SNTG2: variants seen among roughly 807,000 people sequenced by gnomAD.
SNTG2 encodes syntrophin gamma 2.
SNTG2 carries 74 observed loss-of-function variants against 70.9 expected under a neutral mutation model. The observed-to-expected ratio is 1.04, with a 90% CI of 0.86 to 1.27. The LOEUF is 1.27. Among genes scored for constraint, SNTG2 ranks in the 50% most tolerant of loss-of-function variants. The probability of loss-of-function intolerance (pLI) is 0.00; values close to 1 mark genes in which losing one functional copy is unlikely to be tolerated. For synonymous variants in SNTG2, 278 were observed against 273.8 expected (o/e 1.02, Z -0.15); for missense variants, 717 against 690.7 (o/e 1.04, Z -0.43).
At chr2:1,045,763 T>C (rs1215397414) in intron 1 of SNTG2, among the ~76,000 whole-genome samples, 1 of 152,162 alleles carries the variant, frequency 6.6e-6, no homozygotes, top group Non-Finnish European at 1.5e-5. Flanking sequence ...TGGTTCAGGT[T>C]TTTTGAATTT....
chr2:1,066,910 G>A lies in SNTG2; in HGVS notation c.73-16608G>A, dbSNP rs1002176338. Among the ~76,000 whole-genome samples the A allele has an allele frequency of 3.9e-5, 6 of 152,042 alleles. 1 individual carries two copies. The highest frequency in any genetic ancestry group is 1.3e-4 in the Admixed American group (2 of 15,260). ...CGTCAACTTCCAATGGCGTCGCTAC[G>A]CTCCTCATCTTCAAAGCTCTCATCT... On this transcript the variant is annotated intron_variant, in intron 1 of 16. Transcript: ENST00000308624.
intron 4 of SNTG2, among the ~76,000 whole-genome samples, chr2:1,120,432 C>T (rs1044626920): frequency 6.6e-6 from 1 of 152,122 alleles, no homozygotes; most frequent in African/African-American, 2.4e-5. Context: ...AAATTGATTA[C>T]ATTCTCCCAT....
At chr2:1,133,548 C>T (rs186100654) in intron 4 of SNTG2, among the ~76,000 whole-genome samples, 11 of 152,224 alleles carry the variant, frequency 7.2e-5, no homozygotes, top group Admixed American at 2.0e-4. Flanking sequence ...GGCTGTATTA[C>T]CGTAGGGATG....
At chr2:1,252,819 C>A (rs958800463) in intron 12 of SNTG2, among the ~76,000 whole-genome samples, 1 of 152,146 alleles carries the variant, frequency 6.6e-6, no homozygotes, top group Non-Finnish European at 1.5e-5. Context: ...TTGAATCTAA[C>A]AGACAAAATC....
intron 1 of SNTG2, among the ~76,000 whole-genome samples, chr2:1,071,409 C>T (rs918835990): frequency 2.0e-5 from 3 of 147,830 alleles, no homozygotes; most frequent in Non-Finnish European, 4.5e-5. Context: ...GAACAAAAAA[C>T]CAAACACCGC....
At chr2:1,205,385 C>G (rs572230653) in intron 8 of SNTG2, among the ~76,000 whole-genome samples, 1 of 152,290 alleles carries the variant, frequency 6.6e-6, no homozygotes, top group Admixed American at 6.5e-5. Flanking sequence ...AGAGATCCAC[C>G]TCCATTCAGA....
intron 1 of SNTG2, among the ~76,000 whole-genome samples, chr2:1,049,630 A>G (rs1661940740): frequency 6.6e-6 from 1 of 152,208 alleles, no homozygotes; most frequent in Admixed American, 6.5e-5. Context: ...TTGTGTGGAC[A>G]TGTTTTCAGC....
In SNTG2 at chr2:997,458, G is replaced by T. The variant is rs116219841; in HGVS notation, c.72+46390G>T. Among the ~76,000 whole-genome samples, 310 of 152,328 alleles carry T rather than the reference G, an allele frequency of 2.0e-3. 3 individuals are homozygous for T. Among genetic ancestry groups the T allele is most frequent in the African/African-American group, 7.2e-3 (300 of 41,574 alleles). Reference sequence around the variant, plus strand: ...AATGGATTTGAATTGCATTCTGTCTGTGGTGAGAGCAATTGGTAGGTTTTC... The same window carrying T: ...AATGGATTTGAATTGCATTCTGTCTTTGGTGAGAGCAATTGGTAGGTTTTC... On this transcript the variant is annotated intron_variant, in intron 1 of 16. Coordinates refer to ENST00000308624, the MANE Select transcript of SNTG2 (RefSeq NM_018968.4).
intron 2 of SNTG2, among the ~76,000 whole-genome samples, chr2:1,092,190 AG>A (rs1665072027): frequency 6.6e-6 from 1 of 152,214 alleles, no homozygotes; most frequent in South Asian, 2.1e-4. Flanking sequence ...AGAATACTTC[AG>A]AATTGTTTTT....
At chr2:1,006,241 G>A (rs1432135439) in intron 1 of SNTG2, among the ~76,000 whole-genome samples, 1 of 151,402 alleles carries the variant, frequency 6.6e-6, no homozygotes, top group Non-Finnish European at 1.5e-5. Context: ...CAGCGCACTA[G>A]CATGGCACAT....
At chr2:1,351,532 C>T (rs540462522) in intron 16 of SNTG2, among the ~76,000 whole-genome samples, 11 of 152,182 alleles carry the variant, frequency 7.2e-5, no homozygotes, top group Admixed American at 1.3e-4. Context: ...TCTAACCCGA[C>T]GAATCTGAAC....
intron 13 of SNTG2, 115 bp from the exon 14 acceptor site, chr2:1,267,250 C>A: frequency 1.0e-6 from 1 of 972,958 alleles, no homozygotes; most frequent in Non-Finnish European, 1.6e-6. Context: ...CTTGTCTGCA[C>A]CCAGGAGACC....
intron 1 of SNTG2, among the ~76,000 whole-genome samples, chr2:970,029 A>G (rs931000533): frequency 6.6e-6 from 1 of 152,184 alleles, no homozygotes; most frequent in East Asian, 1.9e-4. Flanking sequence ...ATTTTGAGGA[A>G]TATACCTTCA....
chr2:1,154,116 C>T (rs1006188331), intron 6 of SNTG2, among the ~76,000 whole-genome samples: 8 of 151,458 alleles, frequency 5.3e-5, no homozygotes, highest in African/African-American at 1.7e-4. Context: ...AGGAAGAGGG[C>T]AGGGAGCCAA....
chr2:1,243,422 A>G (rs1338420554), intron 11 of SNTG2, among the ~76,000 whole-genome samples: 1 of 148,424 alleles, frequency 6.7e-6, no homozygotes, highest in Non-Finnish European at 1.5e-5. Context: ...ACTCTGCTCA[A>G]TCAGAATTAG....
intron 4 of SNTG2, among the ~76,000 whole-genome samples, chr2:1,103,854 G>A (rs576926317): frequency 7.9e-5 from 12 of 152,292 alleles, no homozygotes; most frequent in African/African-American, 2.2e-4. Context: ...TCTGTGCTGA[G>A]AGTAGAGAAG....
At chr2:1,055,062 G>T (rs533348924) in intron 1 of SNTG2, among the ~76,000 whole-genome samples, 2 of 152,030 alleles carry the variant, frequency 1.3e-5, no homozygotes, top group Admixed American at 1.3e-4. Flanking sequence ...GTCTATAAAT[G>T]CTGTTACCTC....
At chr2:971,382 C>T (rs1057316103) in intron 1 of SNTG2, among the ~76,000 whole-genome samples, 2 of 151,824 alleles carry the variant, frequency 1.3e-5, no homozygotes, top group African/African-American at 4.8e-5. Flanking sequence ...ACTGGTTCTC[C>T]CTTGGAAAGT....
chr2:1,055,507 G>C, intron 1 of SNTG2, among the ~76,000 whole-genome samples: 1 of 152,080 alleles, frequency 6.6e-6, no homozygotes, highest in East Asian at 1.9e-4. Context: ...TGTGGGTCAG[G>C]ATTTTTCATG....
Sources: gnomAD v4.1 joint callset for allele counts (sites outside exome capture counted in the v4.1 genomes callset) on GRCh38, gnomAD v4.1.1 for gene constraint, MANE v1.5 for transcripts, NCBI Gene and HGNC (gene_info 2026-07-23, HGNC 2026-07-21) for gene names.